C5: variants seen among roughly 807,000 people sequenced by gnomAD.
C5 encodes the protein C3 and PZP-like alpha-2-macroglobulin domain-containing protein 4.
Under a neutral mutation model 218.8 loss-of-function variants are expected in C5, and 140 were observed. That is an observed-to-expected ratio of 0.64 (90% CI 0.56 to 0.74). The LOEUF (loss-of-function observed/expected upper bound fraction) is 0.74. Among genes scored for constraint, C5 ranks in the 30% least tolerant of loss-of-function variants. C5 has a pLI of 0.00. For missense variants in C5, 1,700 were observed against 1,969.6 expected (o/e 0.86, Z 2.59); for synonymous variants, 614 against 682.3 (o/e 0.90, Z 1.56).
At position 121,016,306 on chromosome 9, in the gene C5, T is replaced by C. The variant is rs2047306255; in HGVS notation, c.1944A>G (p.Leu648=). 6.2e-7 allele frequency: 1 copy of C among 1,614,068 alleles called. No individual in the cohort carries two copies. The highest frequency in any genetic ancestry group is 1.3e-5 in the African/African-American group (1 of 75,028). Residue 648 remains leucine (L), a synonymous_variant, in exon 15 of 41, where the codon CTA becomes CTG. Transcript: ENST00000223642. ...CATTAGTGAGGAAGGTAAGTCCAGC[T>C]AGGTGGAACACATTGGCATTGTTGA... ...GGLNNANVFH[L]AGLTFLTNAN...
chr9:121,061,985 ATAATAGTTCCC>A, the C5 span, among the ~76,000 whole-genome samples: 1 of 152,250 alleles, frequency 6.6e-6, no homozygotes. Context: ...CAAGGTACAC[ATAATAGTTCCC>A]TAATACAAGG....
chr9:120,986,552 G>C (rs16910253), intron 25 of C5, among the ~76,000 whole-genome samples: 15,547 of 150,402 alleles, frequency 0.1, 938 homozygotes, highest in African/African-American at 0.17. Flanking sequence ...GGAGTTGGGT[G>C]TATGTTTCAG....
chr9:121,034,467 C>T (rs1249320181), intron 5 of C5, among the ~76,000 whole-genome samples: 4 of 152,160 alleles, frequency 2.6e-5, no homozygotes, highest in Non-Finnish European at 4.4e-5. Context: ...TATTTTATAG[C>T]AACCAGAGCA....
intron 11 of C5, 106 bp from the exon 12 acceptor site, chr9:121,020,285 A>C: frequency 1.1e-6 from 1 of 937,404 alleles, no homozygotes; most frequent in Non-Finnish European, 1.7e-6. Context: ...TAAATTTCAC[A>C]ATAACAAATG....
chr9:121,047,640 T>C (rs974434985), intron 1 of C5, among the ~76,000 whole-genome samples: 1 of 152,236 alleles, frequency 6.6e-6, no homozygotes, highest in African/African-American at 2.4e-5. Flanking sequence ...TTTAAGAGTC[T>C]GGTAAAAGCA....
At chr9:121,019,492 G>A (rs992670) in intron 12 of C5, among the ~76,000 whole-genome samples, 79,585 of 152,008 alleles carry the variant, frequency 0.52, 21,103 homozygotes, top group East Asian at 0.75. Context: ...GCTCAGCTAC[G>A]GAATTGGAAC....
chr9:121,052,786 T>A (rs1324309849), upstream of C5, among the ~76,000 whole-genome samples: 1 of 152,204 alleles, frequency 6.6e-6, no homozygotes, highest in African/African-American at 2.4e-5. Context: ...CCTAGCAGGA[T>A]AATAATTTTG....
chr9:120,980,736 GC>G (rs1346508310), intron 27 of C5, among the ~76,000 whole-genome samples: 48 of 151,116 alleles, frequency 3.2e-4, no homozygotes, highest in African/African-American at 1.1e-3. Context: ...GACTACAGGC[GC>G]CCCGCCACCA....
intron 20 of C5, among the ~76,000 whole-genome samples, chr9:121,004,158 C>A (rs1311685439): frequency 6.6e-6 from 1 of 151,944 alleles, no homozygotes; most frequent in African/African-American, 2.4e-5. Context: ...CCTGAGCCAC[C>A]GCTCCTGGCC....
rs147688735 is a variant in C5 at position 120,972,755 on chromosome 9, C to G, written c.4018-763G>C. On this transcript the variant is annotated intron_variant, in intron 30 of 40. Coordinates refer to ENST00000223642, the MANE Select transcript of C5 (RefSeq NM_001735.3). Reference sequence around the variant, plus strand: ...TTGGCACTTCCTTTACTCCAAGCCTCCCCTTTCCTTTGCTTAGCACAATAA... The same window carrying G: ...TTGGCACTTCCTTTACTCCAAGCCTGCCCTTTCCTTTGCTTAGCACAATAA... Among the ~76,000 whole-genome samples, 615 of 152,310 alleles carry G rather than the reference C, an allele frequency of 4.0e-3. 3 individuals carry two copies. The highest frequency in any genetic ancestry group is 0.014 in the African/African-American group (586 of 41,556).
chr9:120,980,846 C>A (rs2046987671), intron 27 of C5, among the ~76,000 whole-genome samples: 1 of 152,172 alleles, frequency 6.6e-6, no homozygotes, highest in Non-Finnish European at 1.5e-5. Context: ...ATCCGCCCGC[C>A]TCGGCCTCCC....
intron 25 of C5, among the ~76,000 whole-genome samples, chr9:120,984,349 C>T (rs575256026): frequency 6.6e-6 from 1 of 152,018 alleles, no homozygotes; most frequent in Non-Finnish European, 1.5e-5. Context: ...CTTTTTAATC[C>T]TCCCACACTG....
At chr9:121,041,822 T>A (rs1214282854) in intron 3 of C5, among the ~76,000 whole-genome samples, 1 of 152,218 alleles carries the variant, frequency 6.6e-6, no homozygotes, top group Non-Finnish European at 1.5e-5. Context: ...TATTTCCTTG[T>A]ATAAAAAGTT....
At chr9:120,963,276 A>C (rs1485624233) in intron 34 of C5, among the ~76,000 whole-genome samples, 1 of 152,142 alleles carries the variant, frequency 6.6e-6, no homozygotes, top group African/African-American at 2.4e-5. Context: ...GGCCAAAGCC[A>C]GTGGATCACC....
intron 22 of C5, among the ~76,000 whole-genome samples, chr9:120,993,049 TATGAAGA>T (rs2047088515): frequency 6.6e-6 from 1 of 152,172 alleles, no homozygotes; most frequent in African/African-American, 2.4e-5. Flanking sequence ...TGGACAAGTA[TATGAAGA>T]AATGCTTAAA....
chr9:120,987,749 G>A (rs1429218058), intron 25 of C5, among the ~76,000 whole-genome samples: 4 of 151,938 alleles, frequency 2.6e-5, no homozygotes, highest in Admixed American at 1.3e-4. Context: ...CTGGCACACC[G>A]TTTTTATTAA....
At chr9:121,047,440 T>C (rs2047637025) in intron 1 of C5, among the ~76,000 whole-genome samples, 1 of 152,212 alleles carries the variant, frequency 6.6e-6, no homozygotes, top group African/African-American at 2.4e-5. Context: ...TAAACTGGAT[T>C]ACTAAGTGTA....
chr9:121,015,255 G>C lies in C5; in HGVS notation c.2003C>G (p.Pro668Arg), dbSNP rs751419919. The part of the protein sequence containing the change: ...NADDSQENDE[P>R]CKEILRPRRT... Reference sequence around the variant, plus strand: ...TCTTGGCCTGAGAATTTCTTTACAAGGTTCATCTGGTTTTTTTAAAAAAAG... The same window carrying C: ...TCTTGGCCTGAGAATTTCTTTACAACGTTCATCTGGTTTTTTTAAAAAAAG... The change falls in exon 16 of 41, where the codon CCT becomes CGT. Residue 668 changes from proline (P) to arginine (R), a missense_variant. Transcript: ENST00000223642. 1.3e-6 allele frequency: 2 copies of C among 1,599,826 alleles called. No homozygotes were observed. The highest frequency in any genetic ancestry group is 2.2e-5 in the South Asian group (2 of 90,406).
rs373359894 is a variant in C5, at chr9:120,997,684, G to A, written c.2653C>T (p.Arg885Cys). The A allele has an allele frequency of 1.5e-5, 25 of 1,614,012 alleles. No homozygotes were observed. In the African/African-American group the frequency reaches 2.0e-4, roughly 13 times the overall value. Residue 885 changes from arginine to cysteine, a missense_variant, in exon 21 of 41, where the codon CGC becomes TGC. By Grantham distance (180) the Arg-to-Cys change is radical (BLOSUM62 -3). Coordinates refer to ENST00000223642, the MANE Select transcript of C5 (RefSeq NM_001735.3). ...CTGGAGGAGCCCTCTACTTTCTGGC[G>A]CACACATTTGGAGGACTTTGTGCCC... ...HQGTKSSKCV[R>C]QKVEGSSSHL...
Sources: gnomAD v4.1 joint callset for allele counts (sites outside exome capture counted in the v4.1 genomes callset) on GRCh38, gnomAD v4.1.1 for gene constraint, MANE v1.5 for transcripts, NCBI Gene and HGNC (gene_info 2026-07-23, HGNC 2026-07-21) for gene names.